The following GARIN2 variants were observed in gnomAD, a reference collection of about 807,000 sequenced individuals.
The protein encoded by GARIN2 is golgi associated RAB2 interactor family member 2, also known as Golgi-associated RAB2 interactor protein 2.
chr14:67,200,296 G>A, the GARIN2 span: 4 of 689,370 alleles, frequency 5.8e-6, no homozygotes, highest in Non-Finnish European at 1.0e-5. Flanking sequence ...GTTGCCCCTC[G>A]AGGCCCGCTT....
chr14:67,191,145 A>G, the GARIN2 span, among the ~76,000 whole-genome samples: 6 of 152,218 alleles, frequency 3.9e-5, no homozygotes, highest in Non-Finnish European at 8.8e-5. Context: ...GAAGCATGAG[A>G]ATCACTTGAA....
At chr14:67,220,748 C>T in the GARIN2 span, among the ~76,000 whole-genome samples, 1 of 152,168 alleles carries the variant, frequency 6.6e-6, no homozygotes. Flanking sequence ...TGATGCTTCT[C>T]AGTCTCGCTT....
the GARIN2 span, chr14:67,205,144 C>A: frequency 6.8e-7 from 1 of 1,461,236 alleles, no homozygotes; most frequent in Non-Finnish European, 9.1e-7. Flanking sequence ...GAGGGGTTAC[C>A]GAGATCACAC....
At chr14:67,191,567 C>T in the GARIN2 span, among the ~76,000 whole-genome samples, 1 of 152,188 alleles carries the variant, frequency 6.6e-6, no homozygotes, top group Non-Finnish European at 1.5e-5. Flanking sequence ...TTCCAGATGA[C>T]TGCATTTATC....
the GARIN2 span, among the ~76,000 whole-genome samples, chr14:67,214,882 A>G: frequency 0.23 from 35,061 of 151,382 alleles, 5,589 homozygotes; most frequent in East Asian, 0.44. Context: ...GGTCCTTCAC[A>G]TCCCTTGTAA....
the GARIN2 span, chr14:67,228,379 C>G: frequency 1.0e-5 from 5 of 483,154 alleles, no homozygotes; most frequent in African/African-American, 1.1e-4. Flanking sequence ...AAAATATTCT[C>G]TATTTCAGAC....
At chr14:67,211,215 T>G in the GARIN2 span, among the ~76,000 whole-genome samples, 1 of 152,272 alleles carries the variant, frequency 6.6e-6, no homozygotes, top group African/African-American at 2.4e-5. Context: ...AGGCTCATGG[T>G]AACTGTTCAA....
the GARIN2 span, among the ~76,000 whole-genome samples, chr14:67,196,223 C>CTTTCTTTTTT: frequency 4.5e-3 from 639 of 143,116 alleles, 8 homozygotes; most frequent in African/African-American, 0.015. Context: ...TTCTTTCTTT[C>CTTTCTTTTTT]TTTTTTTTTT....
chr14:67,214,403 C>A, the GARIN2 span, among the ~76,000 whole-genome samples: 2 of 152,152 alleles, frequency 1.3e-5, no homozygotes, highest in Non-Finnish European at 2.9e-5. Context: ...GTTTTCCCAG[C>A]ACCGTTTATT....
chr14:67,198,132 TCA>T, the GARIN2 span: 1 of 1,593,956 alleles, frequency 6.3e-7, no homozygotes, highest in Middle Eastern at 1.7e-4. Flanking sequence ...TTCCATTCCC[TCA>T]GTTTTTTTAT....
At chr14:67,215,956 A>G in the GARIN2 span, among the ~76,000 whole-genome samples, 1 of 152,330 alleles carries the variant, frequency 6.6e-6, no homozygotes, top group African/African-American at 2.4e-5. Flanking sequence ...ATTCGCTTTT[A>G]ATGCCTTTTA....
chr14:67,192,214 A>G, the GARIN2 span, among the ~76,000 whole-genome samples: 3 of 152,222 alleles, frequency 2.0e-5, no homozygotes, highest in Non-Finnish European at 2.9e-5. Flanking sequence ...GGAAAAATAT[A>G]AGCTATGATT....
At chr14:67,223,716 T>C in the GARIN2 span, 1 of 977,012 alleles carries the variant, frequency 1.0e-6, no homozygotes, top group Non-Finnish European at 1.2e-6. Flanking sequence ...TCTTTCCACC[T>C]TTTTCTCCCA....
chr14:67,202,735 C>A, the GARIN2 span, among the ~76,000 whole-genome samples: 15 of 152,286 alleles, frequency 9.8e-5, no homozygotes, highest in South Asian at 2.9e-3. Context: ...GTGTACCTCC[C>A]AAGACCTAAC....
chr14:67,227,667 G>T, the GARIN2 span: 2 of 151,968 alleles, frequency 1.3e-5, no homozygotes, highest in African/African-American at 4.8e-5. Flanking sequence ...GATGTTTGTA[G>T]GTCTTATGAC....
At chr14:67,190,068 A>ATTT in the GARIN2 span, among the ~76,000 whole-genome samples, 36 of 115,436 alleles carry the variant, frequency 3.1e-4, no homozygotes, top group Admixed American at 1.9e-3. Flanking sequence ...TGCCCAGCTA[A>ATTT]TTTTTTTTTT....
the GARIN2 span, among the ~76,000 whole-genome samples, chr14:67,207,074 A>G: frequency 4.6e-5 from 7 of 152,202 alleles, no homozygotes; most frequent in Non-Finnish European, 1.0e-4. Context: ...TGTCAGGGAA[A>G]AGTGAAGTTT....
chr14:67,198,296 C>T, the GARIN2 span: 1 of 1,613,536 alleles, frequency 6.2e-7, no homozygotes. Flanking sequence ...TATCTCCTCC[C>T]ATGTTAGAGA....
At chr14:67,197,827 C>G in the GARIN2 span, among the ~76,000 whole-genome samples, 3 of 152,110 alleles carry the variant, frequency 2.0e-5, no homozygotes, top group African/African-American at 7.2e-5. Flanking sequence ...TAGGTGTCTC[C>G]AGCCCTATAC....
Sources: allele counts gnomAD v4.1 joint callset (sites outside exome capture counted in the v4.1 genomes callset), GRCh38; gene constraint gnomAD v4.1.1; transcripts MANE v1.5; gene names NCBI Gene and HGNC (gene_info 2026-07-23, HGNC 2026-07-21).